The following CSMD1 variants were observed in gnomAD, a reference collection of about 807,000 sequenced individuals.
CSMD1 encodes the protein CUB and sushi domain-containing protein 1.
CSMD1 carries 213 observed loss-of-function variants against 417.5 expected under a neutral mutation model. That is an observed-to-expected ratio of 0.51 (90% CI 0.46 to 0.57). The LOEUF (loss-of-function observed/expected upper bound fraction) is 0.57, where lower values mean the gene tolerates loss of function less well. CSMD1 is among the 20% of genes least tolerant of loss of function. The probability of loss-of-function intolerance (pLI) is 0.00; values close to 1 mark genes in which losing one functional copy is unlikely to be tolerated. For synonymous variants in CSMD1, 2,862 were observed against 1,736.8 expected (o/e 1.65, Z -16.11); for missense variants, 6,923 against 4,529.7 (o/e 1.53, Z -15.17).
rs1266380217 is a variant in CSMD1, at chr8:3,273,266, A to G, written c.4153+10878T>C. ...TTTGCGTATATTGAACTAGCCTTGC[A>G]TCCCAGGGATGAAGCCCACTTGATC... is the stretch of plus-strand genomic sequence containing the variant. On this transcript the variant is annotated intron_variant, in intron 26 of 69. Coordinates refer to ENST00000635120, the MANE Select transcript of CSMD1 (RefSeq NM_033225.6). 5.9e-5 allele frequency among the ~76,000 whole-genome samples: 9 copies of G among 152,104 alleles called. No homozygotes were observed. In the East Asian group the frequency reaches 1.4e-3, roughly 23 times the overall value.
intron 54 of CSMD1, among the ~76,000 whole-genome samples, chr8:2,985,854 C>A (rs111934426): frequency 0.016 from 2,394 of 151,308 alleles, 80 homozygotes; most frequent in African/African-American, 0.055. Context: ...CCAGGAGGCC[C>A]CAGTGGCTTC....
intron 8 of CSMD1, among the ~76,000 whole-genome samples, chr8:3,609,245 T>G (rs1006522031): frequency 1.3e-5 from 2 of 152,184 alleles, no homozygotes; most frequent in African/African-American, 4.8e-5. Context: ...GAAAGACAGA[T>G]GAACAATAGA....
intron 10 of CSMD1, among the ~76,000 whole-genome samples, chr8:3,543,923 TTACAGGAAGA>T (rs1200502765): frequency 6.6e-6 from 1 of 152,098 alleles, no homozygotes; most frequent in Non-Finnish European, 1.5e-5. Context: ...ACTCCAGTGT[TTACAGGAAGA>T]GACAGGAAGT....
chr8:4,419,664 T>G (rs991096969), intron 3 of CSMD1, among the ~76,000 whole-genome samples: 49 of 152,300 alleles, frequency 3.2e-4, no homozygotes, highest in African/African-American at 1.2e-3. Context: ...AGAGGGCTAT[T>G]AGTTTATAGT....
chr8:4,391,235 G>C (rs1188523844), intron 3 of CSMD1, among the ~76,000 whole-genome samples: 2 of 152,122 alleles, frequency 1.3e-5, no homozygotes, highest in African/African-American at 4.8e-5. Context: ...TGTGTGCAAA[G>C]ACAGCCACCA....
intron 5 of CSMD1, among the ~76,000 whole-genome samples, chr8:3,968,817 T>C (rs1243274857): frequency 6.6e-6 from 1 of 152,164 alleles, no homozygotes; most frequent in Admixed American, 6.5e-5. Context: ...AAAACACTGA[T>C]CCAGTATAGG....
intron 5 of CSMD1, among the ~76,000 whole-genome samples, chr8:3,839,016 A>G (rs1310499054): frequency 7.8e-6 from 1 of 127,484 alleles, no homozygotes; most frequent in Non-Finnish European, 1.6e-5. Context: ...ATATATTTAT[A>G]TGTTGATATT....
intron 3 of CSMD1, among the ~76,000 whole-genome samples, chr8:4,315,205 T>C (rs1279183651): frequency 2.0e-5 from 3 of 152,076 alleles, no homozygotes; most frequent in Non-Finnish European, 4.4e-5. Context: ...CTACCAGAGG[T>C]GGCACTTTCT....
intron 5 of CSMD1, among the ~76,000 whole-genome samples, chr8:3,888,243 T>C (rs1025047605): frequency 2.6e-5 from 4 of 152,074 alleles, no homozygotes; most frequent in Non-Finnish European, 5.9e-5. Context: ...ATAAGCAAAA[T>C]GTGATGATCT....
intron 5 of CSMD1, among the ~76,000 whole-genome samples, chr8:3,766,790 C>T (rs1428631450): frequency 1.3e-5 from 2 of 152,084 alleles, no homozygotes; most frequent in Non-Finnish European, 2.9e-5. Flanking sequence ...TCTCCTTAAT[C>T]TTGGGATAAG....
intron 3 of CSMD1, among the ~76,000 whole-genome samples, chr8:4,137,731 G>A (rs924462790): frequency 1.2e-5 from 1 of 82,856 alleles, no homozygotes; most frequent in Non-Finnish European, 3.5e-5. Context: ...ATTTCACGAT[G>A]TTGTATTTTA....
chr8:3,897,002 C>G (rs2177329), intron 5 of CSMD1, among the ~76,000 whole-genome samples: 17,373 of 151,794 alleles, frequency 0.11, 1,344 homozygotes, highest in East Asian at 0.29. Context: ...TTTTCCATTT[C>G]TCTTGAGCAA....
At chr8:3,827,681 T>C (rs1367858745) in intron 5 of CSMD1, among the ~76,000 whole-genome samples, 1 of 152,212 alleles carries the variant, frequency 6.6e-6, no homozygotes, top group Non-Finnish European at 1.5e-5. Context: ...ATAAACCCAA[T>C]TTATTGACTT....
intron 54 of CSMD1, among the ~76,000 whole-genome samples, chr8:2,995,415 G>A (rs544206564): frequency 6.6e-6 from 1 of 152,208 alleles, no homozygotes; most frequent in Non-Finnish European, 1.5e-5. Flanking sequence ...ACAGGATGTA[G>A]AGAAACTTCA....
chr8:3,733,407 A>G (rs1228050974), intron 6 of CSMD1, among the ~76,000 whole-genome samples: 1 of 150,408 alleles, frequency 6.6e-6, no homozygotes, highest in Non-Finnish European at 1.5e-5. Flanking sequence ...GATGATAGAA[A>G]CCTGTAAGAA....
At chr8:4,080,366 A>C (rs1211855202) in intron 3 of CSMD1, among the ~76,000 whole-genome samples, 7 of 152,224 alleles carry the variant, frequency 4.6e-5, no homozygotes, top group Admixed American at 1.3e-4. Flanking sequence ...AAATCTACAC[A>C]AACAGGTATC....
intron 3 of CSMD1, among the ~76,000 whole-genome samples, chr8:4,417,470 T>A (rs1313385167): frequency 1.3e-5 from 2 of 152,044 alleles, no homozygotes; most frequent in Non-Finnish European, 2.9e-5. Context: ...CAATTAAAAT[T>A]TTATGCAGCA....
chr8:4,591,635 A>C (rs1563315967), intron 2 of CSMD1, among the ~76,000 whole-genome samples: 1 of 152,216 alleles, frequency 6.6e-6, no homozygotes, highest in Non-Finnish European at 1.5e-5. Flanking sequence ...TTCAACTGTC[A>C]GCAGGAGAGG....
At chr8:3,772,413 T>TTATATATACATATATACATATATC (rs1798639047) in intron 5 of CSMD1, among the ~76,000 whole-genome samples, 2 of 91,694 alleles carry the variant, frequency 2.2e-5, no homozygotes, top group Non-Finnish European at 4.3e-5. Flanking sequence ...ATACATATAT[T>TTATATATACATATATACATATATC]TATATATACA....
Sources: allele counts gnomAD v4.1 joint callset (sites outside exome capture counted in the v4.1 genomes callset), GRCh38; gene constraint gnomAD v4.1.1; transcripts MANE v1.5; gene names NCBI Gene and HGNC (gene_info 2026-07-23, HGNC 2026-07-21).